OCIAD1: variants seen among roughly 807,000 people sequenced by gnomAD.
OCIAD1 encodes the protein OCIA domain containing 1.
A neutral mutation model predicts 38.9 loss-of-function variants in OCIAD1; 29 were observed. That is an observed-to-expected ratio of 0.74 (90% CI 0.55 to 1.02). The LOEUF is 1.02. Among genes scored for constraint, OCIAD1 ranks in the 50% least tolerant of loss-of-function variants. OCIAD1 has a pLI of 0.00. For synonymous variants in OCIAD1, 110 were observed against 92.0 expected (o/e 1.20, Z -1.12); for missense variants, 288 against 289.6 (o/e 0.99, Z 0.04).
At chr4:48,835,412 A>G (rs565158872) in intron 3 of OCIAD1, among the ~76,000 whole-genome samples, 1 of 152,308 alleles carries the variant, frequency 6.6e-6, no homozygotes, top group Admixed American at 6.5e-5. Flanking sequence ...ATTTTACCAA[A>G]TTTCAATTTG....
At chr4:48,838,471 GTGT>G (rs1778212110) in intron 3 of OCIAD1, among the ~76,000 whole-genome samples, 1 of 152,128 alleles carries the variant, frequency 6.6e-6, no homozygotes, top group Admixed American at 6.6e-5. Context: ...GATAACCAAG[GTGT>G]TGTTGCATAT....
chr4:48,835,428 A>T (rs1356504874), intron 3 of OCIAD1, among the ~76,000 whole-genome samples: 1 of 152,208 alleles, frequency 6.6e-6, no homozygotes, highest in East Asian at 1.9e-4. Flanking sequence ...ATTTGGTAAA[A>T]ACTGAAGCCT....
upstream of OCIAD1, among the ~76,000 whole-genome samples, chr4:48,826,561 C>A (rs1258073755): frequency 6.6e-6 from 1 of 151,980 alleles, no homozygotes; most frequent in Admixed American, 6.6e-5. Context: ...TTTCCCTTTG[C>A]CAATTACAAT....
intron 1 of OCIAD1, chr4:48,831,541 G>T (rs367592658): frequency 1.5e-6 from 2 of 1,290,760 alleles, no homozygotes; most frequent in Non-Finnish European, 2.0e-6. Flanking sequence ...GGTAATCAGC[G>T]GTTGTAGGCC....
intron 1 of OCIAD1, chr4:48,831,565 T>A: frequency 3.9e-6 from 5 of 1,290,272 alleles, no homozygotes; most frequent in Non-Finnish European, 5.1e-6. Flanking sequence ...TAGGCTTTAA[T>A]CCAGCGTTGT....
rs554833988 is a variant in OCIAD1 at position 48,844,621 on chromosome 4, A to G, written c.193+1932A>G. 2.0e-5 allele frequency among the ~76,000 whole-genome samples: 3 copies of G among 152,254 alleles called. No individual in the cohort carries two copies. The East Asian group carries it at 5.8e-4, about 29-fold the overall frequency. On this transcript the variant is annotated intron_variant, in intron 4 of 8. Transcript: ENST00000264312. ...ACAGAGCGAGACTCTGTCTCAAAAA[A>G]AAGGTAAAAATTGAGAGAGACTTTA... is the stretch of plus-strand genomic sequence containing the variant.
chr4:48,826,333 G>A (rs1212352827), upstream of OCIAD1, among the ~76,000 whole-genome samples: 1 of 152,014 alleles, frequency 6.6e-6, no homozygotes, highest in Non-Finnish European at 1.5e-5. Flanking sequence ...GCCCCAGTGT[G>A]TGATGTTCCC....
intron 1 of OCIAD1, among the ~76,000 whole-genome samples, chr4:48,806,385 T>C (rs543054816): frequency 6.6e-6 from 1 of 152,352 alleles, no homozygotes; most frequent in South Asian, 2.1e-4. Flanking sequence ...TTGTTAGTTT[T>C]CATTCTTTTC....
chr4:48,832,010 T>C (rs1777551738), intron 1 of OCIAD1, among the ~76,000 whole-genome samples: 1 of 152,210 alleles, frequency 6.6e-6, no homozygotes, highest in Admixed American at 6.5e-5. Flanking sequence ...AAATGTATAT[T>C]CTTGGAATTT....
intron 4 of OCIAD1, among the ~76,000 whole-genome samples, chr4:48,843,406 C>A (rs1200665067): frequency 1.3e-5 from 2 of 152,062 alleles, no homozygotes; most frequent in Non-Finnish European, 2.9e-5. Context: ...GGCCTGGAGG[C>A]CTATTGTTTT....
intron 1 of OCIAD1, among the ~76,000 whole-genome samples, chr4:48,817,657 G>T (rs1259430379): frequency 6.6e-6 from 1 of 152,220 alleles, no homozygotes; most frequent in Non-Finnish European, 1.5e-5. Flanking sequence ...CCATGGAGCC[G>T]AGCAAGCTAA....
intron 8 of OCIAD1, among the ~76,000 whole-genome samples, chr4:48,859,160 C>T (rs1780372189): frequency 1.3e-5 from 2 of 151,980 alleles, no homozygotes; most frequent in South Asian, 4.1e-4. Context: ...TTAGCGGTTG[C>T]TTCGTTTGGA....
chr4:48,819,584 A>G (rs1035879215), intron 1 of OCIAD1, among the ~76,000 whole-genome samples: 1 of 152,052 alleles, frequency 6.6e-6, no homozygotes, highest in Non-Finnish European at 1.5e-5. Context: ...AAATGCCCCA[A>G]TTAAAAGACA....
intron 8 of OCIAD1, among the ~76,000 whole-genome samples, chr4:48,859,234 C>T (rs1017631405): frequency 6.6e-6 from 1 of 151,656 alleles, no homozygotes; most frequent in African/African-American, 2.4e-5. Context: ...AAAAAATCTA[C>T]CTTTGAAATG....
intron 1 of OCIAD1, among the ~76,000 whole-genome samples, chr4:48,812,055 G>A (rs953264699): frequency 2.6e-5 from 4 of 151,756 alleles, no homozygotes; most frequent in Admixed American, 1.3e-4. Context: ...AGGCTGAGGC[G>A]GGTGGATCAT....
At chr4:48,857,590 G>T (rs1343347421) in intron 8 of OCIAD1, among the ~76,000 whole-genome samples, 6 of 151,794 alleles carry the variant, frequency 4.0e-5, no homozygotes, top group African/African-American at 1.5e-4. Context: ...CACGATCTTG[G>T]CTCACTGCAG....
At chr4:48,835,134 A>G (rs990220841) in intron 3 of OCIAD1, among the ~76,000 whole-genome samples, 14 of 152,080 alleles carry the variant, frequency 9.2e-5, no homozygotes, top group African/African-American at 3.4e-4. Flanking sequence ...GGGTTTCACT[A>G]TGTTGGCCAG....
chr4:48,809,426 G>A (rs1174827778), intron 1 of OCIAD1, among the ~76,000 whole-genome samples: 2 of 152,092 alleles, frequency 1.3e-5, no homozygotes, highest in African/African-American at 4.8e-5. Context: ...TAGGGAGGCT[G>A]AGGCAGGGAG....
At position 48,861,665 on chromosome 4, in the gene OCIAD1, G is replaced by A. The variant is rs1197399448; in HGVS notation, c.*903G>A. On this transcript the variant is annotated 3_prime_UTR_variant, in exon 9 of 9. Transcript: ENST00000264312. Reference sequence around the variant, plus strand: ...CACACCACTGAACTCCAGCCTGTGCGACTGAGTGAGACCCTGTGTCTAAAA... The same window carrying A: ...CACACCACTGAACTCCAGCCTGTGCAACTGAGTGAGACCCTGTGTCTAAAA... 1 of 152,132 alleles carries A rather than the reference G, an allele frequency of 6.6e-6. No homozygotes were observed. The highest frequency in any genetic ancestry group is 1.5e-5 in the Non-Finnish European group (1 of 68,030). The allele number at this position is 152,132 out of a possible 1,614,324, so 9.4% of individuals were successfully genotyped here.
Sources: gnomAD v4.1 joint callset for allele counts (sites outside exome capture counted in the v4.1 genomes callset) on GRCh38, gnomAD v4.1.1 for gene constraint, MANE v1.5 for transcripts, NCBI Gene and HGNC (gene_info 2026-07-23, HGNC 2026-07-21) for gene names.